The following CWC22 variants were observed in gnomAD, a reference collection of about 807,000 sequenced individuals.
CWC22 encodes pre-mRNA-splicing factor CWC22 homolog.
A neutral mutation model predicts 117.2 loss-of-function variants in CWC22; 53 were observed. That is an observed-to-expected ratio of 0.45 (90% CI 0.36 to 0.57). The LOEUF is 0.57. Among genes scored for constraint, CWC22 ranks in the 20% least tolerant of loss-of-function variants. The pLI, the probability that CWC22 is intolerant of heterozygous loss-of-function variation, is 0.00. For missense variants in CWC22, 980 were observed against 1,068.8 expected (o/e 0.92, Z 1.16); for synonymous variants, 360 against 355.6 (o/e 1.01, Z -0.14).
At chr2:179,954,650 T>C (rs898633633) in intron 15 of CWC22, among the ~76,000 whole-genome samples, 16 of 152,096 alleles carry the variant, frequency 1.1e-4, no homozygotes, top group African/African-American at 3.4e-4. Flanking sequence ...CCTGAACATG[T>C]ACTTGACTTT....
At chr2:179,996,718 T>TA (rs1325010146) in intron 1 of CWC22, among the ~76,000 whole-genome samples, 5 of 152,012 alleles carry the variant, frequency 3.3e-5, no homozygotes, top group Admixed American at 6.5e-5. Context: ...ACTGTACACT[T>TA]AAACACGGTA....
At chr2:179,977,733 A>T (rs1687187122) in intron 6 of CWC22, among the ~76,000 whole-genome samples, 1 of 152,226 alleles carries the variant, frequency 6.6e-6, no homozygotes, top group African/African-American at 2.4e-5. Context: ...ACCACAAAAA[A>T]TGACAGGCAT....
intron 1 of CWC22, among the ~76,000 whole-genome samples, chr2:180,003,877 A>G (rs963300398): frequency 1.3e-4 from 20 of 152,258 alleles, no homozygotes; most frequent in Non-Finnish European, 1.5e-4. Context: ...AAGACTTATT[A>G]ACTTTATTAT....
chr2:179,989,910 T>G (rs1459621446), intron 2 of CWC22, among the ~76,000 whole-genome samples: 1 of 152,148 alleles, frequency 6.6e-6, no homozygotes, highest in East Asian at 1.9e-4. Flanking sequence ...TTCTGCAAAC[T>G]TACATGCTTG....
At chr2:179,950,965 T>A in intron 17 of CWC22, 39 bp from the exon 18 acceptor site, 2 of 1,255,008 alleles carry the variant, frequency 1.6e-6, no homozygotes, top group South Asian at 2.7e-5. Context: ...AACACATTGC[T>A]TAAAGATAAA....
chr2:179,998,373 A>C lies in CWC22; in HGVS notation c.-113-4919T>G, dbSNP rs6749049. On this transcript the variant is annotated intron_variant, in intron 1 of 19. Coordinates refer to ENST00000410053, the MANE Select transcript of CWC22 (RefSeq NM_020943.3). ...TATAATCACTTATACAATCTTCCTC[A>C]ATCCTCATAATTACCCTGTTCTGGT... Among the ~76,000 whole-genome samples, 595 of 152,242 alleles carry C rather than the reference A, an allele frequency of 3.9e-3. 4 individuals are homozygous for C. Among genetic ancestry groups the C allele is most frequent in the African/African-American group, 0.014 (576 of 41,546 alleles).
intron 11 of CWC22, 83 bp downstream of exon 11, chr2:179,970,418 T>A: frequency 7.8e-7 from 1 of 1,282,772 alleles, no homozygotes; most frequent in Non-Finnish European, 1.1e-6. Context: ...TGGGGATCTC[T>A]AAATATTTGC....
At chr2:179,958,509 C>T (rs1028996107) in intron 14 of CWC22, among the ~76,000 whole-genome samples, 1 of 151,910 alleles carries the variant, frequency 6.6e-6, no homozygotes, top group Non-Finnish European at 1.5e-5. Flanking sequence ...TTGAATGAGG[C>T]CCAACACAAA....
intron 6 of CWC22, among the ~76,000 whole-genome samples, chr2:179,975,498 T>C (rs1054749771): frequency 7.2e-5 from 11 of 152,208 alleles, no homozygotes; most frequent in African/African-American, 2.7e-4. Context: ...AGAAGCCTGT[T>C]TGCTGTAAAC....
chr2:180,005,800 G>A lies in CWC22; in HGVS notation c.-114+1067C>T, dbSNP rs77737608. Among the ~76,000 whole-genome samples, 163 of 152,274 alleles carry A rather than the reference G, an allele frequency of 1.1e-3. 3 individuals carry two copies. In the East Asian group the frequency reaches 0.028, roughly 26 times the overall value. On this transcript the variant is annotated intron_variant, in intron 1 of 19. Transcript: ENST00000410053. ...AAGACAATACAGTGAGGCAGGTATT[G>A]TATTACTACCTACATGTTTCCAGAT...
chr2:179,966,080 T>C (rs1686882964), intron 11 of CWC22, 98 bp from the exon 12 acceptor site: 1 of 906,634 alleles, frequency 1.1e-6, no homozygotes, highest in Non-Finnish European at 1.7e-6. Context: ...AAATCCACTG[T>C]GGTGTAACAG....
At chr2:179,993,490 A>C in intron 1 of CWC22, 36 bp from the exon 2 acceptor site, 1 of 593,422 alleles carries the variant, frequency 1.7e-6, no homozygotes, top group Non-Finnish European at 3.0e-6. Flanking sequence ...TATTAACACT[A>C]ACAAAGTGTG....
chr2:179,956,784 C>CTT lies in CWC22; in HGVS notation c.1459-1752_1459-1751dup, dbSNP rs201582465. ...TTCATATACGAAAATTCACTTTCAA[C>CTT]TTTTTTTTTTTACCAACATTACATT... On this transcript the variant is annotated intron_variant, in intron 14 of 19. Transcript: ENST00000410053. 6.2e-5 allele frequency among the ~76,000 whole-genome samples: 9 copies of CTT among 146,340 alleles called. No individual in the cohort carries two copies. In the East Asian group the frequency reaches 7.9e-4, roughly 13 times the overall value.
chr2:179,948,392 A>G (rs1413084532), intron 19 of CWC22, among the ~76,000 whole-genome samples: 2 of 54,460 alleles, frequency 3.7e-5, no homozygotes, highest in African/African-American at 5.7e-5. Flanking sequence ...AATCACCATT[A>G]GGTGATTTTT....
At chr2:179,984,959 G>A (rs918814191) in intron 4 of CWC22, among the ~76,000 whole-genome samples, 1 of 151,956 alleles carries the variant, frequency 6.6e-6, no homozygotes, top group Non-Finnish European at 1.5e-5. Flanking sequence ...ATATTTTAAA[G>A]TTGTCATTTT....
Position 179,981,834 on chromosome 2 carries a change from G to A in CWC22, c.370C>T (p.Pro124Ser). ...GCTCCACCAGTGCGAGTAAGAAGAG[G>A]ATCCAGCTCATCTTTCTTTTTCTTT... ...ATKKKKDELD[P>S]LLTRTGGAYI... Residue 124 changes from proline to serine, a missense_variant, in exon 5 of 20, where the codon CCT becomes TCT. Transcript: ENST00000410053. 6.2e-7 allele frequency: 1 copy of A among 1,613,814 alleles called. No individual in the cohort carries two copies. The highest frequency in any genetic ancestry group is 8.5e-7 in the Non-Finnish European group (1 of 1,179,790).
chr2:179,985,248 G>T (rs1016402543), intron 4 of CWC22, among the ~76,000 whole-genome samples: 48 of 152,150 alleles, frequency 3.2e-4, no homozygotes, highest in African/African-American at 1.1e-3. Context: ...AAATGACCTG[G>T]AAATTGTCTG....
At chr2:179,970,629 A>T in intron 10 of CWC22, 21 bp downstream of exon 10, 1 of 1,605,954 alleles carries the variant, frequency 6.2e-7, no homozygotes, top group Non-Finnish European at 8.5e-7. Flanking sequence ...CCTCTTTCCA[A>T]CTAACATGCC....
chr2:180,006,377 TAG>T (rs1334549591), intron 1 of CWC22, among the ~76,000 whole-genome samples: 1 of 152,172 alleles, frequency 6.6e-6, no homozygotes, highest in African/African-American at 2.4e-5. Flanking sequence ...CAGAGCTCGT[TAG>T]AGAGGTGGAG....
Sources: allele counts gnomAD v4.1 joint callset (sites outside exome capture counted in the v4.1 genomes callset), GRCh38; gene constraint gnomAD v4.1.1; transcripts MANE v1.5; gene names NCBI Gene and HGNC (gene_info 2026-07-23, HGNC 2026-07-21).